ZMYM2: variants seen among roughly 807,000 people sequenced by gnomAD.
ZMYM2 encodes the protein zinc finger MYM-type containing 2.
Under a neutral mutation model 162.8 loss-of-function variants are expected in ZMYM2, and 56 were observed. The observed-to-expected ratio is 0.34, with a 90% CI of 0.28 to 0.43. ZMYM2 has a LOEUF of 0.43. ZMYM2 is among the 20% of genes least tolerant of loss of function. ZMYM2 has a pLI of 1.00. For synonymous variants in ZMYM2, 510 were observed against 541.6 expected (o/e 0.94, Z 0.81); for missense variants, 1,275 against 1,621.8 (o/e 0.79, Z 3.67).
At chr13:19,928,365 C>G in the ZMYM2 span, among the ~76,000 whole-genome samples, 1 of 152,022 alleles carries the variant, frequency 6.6e-6, no homozygotes, top group South Asian at 2.1e-4. Flanking sequence ...GTAAGTGTGT[C>G]AAAAATATCT....
At chr13:19,908,334 G>T in the ZMYM2 span, among the ~76,000 whole-genome samples, 7 of 152,014 alleles carry the variant, frequency 4.6e-5, no homozygotes, top group Non-Finnish European at 1.0e-4. Flanking sequence ...TTCACGGTGA[G>T]CCAGGTGCAG....
chr13:20,036,288 A>G lies in ZMYM2; in HGVS notation c.2120-449A>G, dbSNP rs374457723. Among the ~76,000 whole-genome samples, 173 of 151,922 alleles carry G rather than the reference A, an allele frequency of 1.1e-3. 1 individual carries two copies. The Middle Eastern group carries it at 0.017, about 15-fold the overall frequency. ...AATCTGTTTTTTTTTCTGAAGGTCC[A>G]TGTAAGAGAGGTAAGCTTGAAAAAT... On this transcript the variant is annotated intron_variant, in intron 11 of 24. Coordinates refer to ENST00000610343, the MANE Select transcript of ZMYM2 (RefSeq NM_197968.4).
intron 6 of ZMYM2, 99 bp from the exon 7 acceptor site, chr13:20,019,448 T>C (rs1302099560): frequency 1.9e-6 from 2 of 1,070,070 alleles, no homozygotes; most frequent in African/African-American, 3.2e-5. Context: ...AGTCACAAAA[T>C]ATAATTGAGA....
At chr13:19,891,874 T>C in the ZMYM2 span, among the ~76,000 whole-genome samples, 1 of 151,990 alleles carries the variant, frequency 6.6e-6, no homozygotes, top group Non-Finnish European at 1.5e-5. Context: ...GCAGGCTTAT[T>C]ACCATATTTA....
At chr13:19,868,348 G>A in the ZMYM2 span, among the ~76,000 whole-genome samples, 1,835 of 152,264 alleles carry the variant, frequency 0.012, 38 homozygotes, top group African/African-American at 0.04. Context: ...GATAGTCATA[G>A]TGTTTCAACT....
chr13:19,929,020 T>C, the ZMYM2 span, among the ~76,000 whole-genome samples: 5 of 152,178 alleles, frequency 3.3e-5, no homozygotes, highest in Non-Finnish European at 7.3e-5. Context: ...TATCCAACTA[T>C]TGCTAGTATA....
At chr13:19,964,498 C>G (rs1027994222) in intron 2 of ZMYM2, among the ~76,000 whole-genome samples, 3 of 152,236 alleles carry the variant, frequency 2.0e-5, no homozygotes, top group African/African-American at 4.8e-5. Flanking sequence ...CTGCTGGACT[C>G]AAGCGATCTT....
chr13:19,909,717 G>GCCA, the ZMYM2 span, among the ~76,000 whole-genome samples: 2 of 152,094 alleles, frequency 1.3e-5, no homozygotes, highest in African/African-American at 4.8e-5. Context: ...ACAGGCATGA[G>GCCA]CCACCGTGCT....
At chr13:19,912,043 G>T in the ZMYM2 span, among the ~76,000 whole-genome samples, 6 of 152,298 alleles carry the variant, frequency 3.9e-5, no homozygotes, top group East Asian at 3.9e-4. Context: ...GCTTAACCAG[G>T]TGATGACTCC....
chr13:19,959,195 G>A (rs1442878930), intron 1 of ZMYM2, among the ~76,000 whole-genome samples: 2 of 148,276 alleles, frequency 1.3e-5, no homozygotes, highest in Non-Finnish European at 3.0e-5. Context: ...ACGGCGGGAC[G>A]GCGGGGCGGG....
At chr13:20,043,235 A>G (rs1207836983) in intron 12 of ZMYM2, among the ~76,000 whole-genome samples, 6 of 152,026 alleles carry the variant, frequency 3.9e-5, no homozygotes, top group Admixed American at 3.9e-4. Flanking sequence ...TGCTGGGGAG[A>G]CTGACGTGTT....
intron 3 of ZMYM2, among the ~76,000 whole-genome samples, chr13:20,002,193 C>T (rs149043894): frequency 1.3e-3 from 196 of 152,294 alleles, no homozygotes; most frequent in Admixed American, 3.5e-3. Flanking sequence ...ACTTGCATTA[C>T]ATTTGTCAAA....
intron 5 of ZMYM2, among the ~76,000 whole-genome samples, chr13:20,006,082 CATT>C (rs1403959658): frequency 6.6e-6 from 1 of 151,914 alleles, no homozygotes; most frequent in Non-Finnish European, 1.5e-5. Context: ...AAAGAAAAAA[CATT>C]AGTTAGGCGT....
intron 16 of ZMYM2, 138 bp downstream of exon 16, chr13:20,059,700 A>G (rs1479430388): frequency 1.2e-5 from 8 of 643,204 alleles, no homozygotes; most frequent in South Asian, 3.4e-5. Context: ...TTTTTCCCCA[A>G]TAAATATGGG....
At chr13:19,895,034 G>A in the ZMYM2 span, among the ~76,000 whole-genome samples, 2 of 122,532 alleles carry the variant, frequency 1.6e-5, no homozygotes, top group African/African-American at 3.1e-5. Flanking sequence ...CCGAGATCTT[G>A]CCACTTCACT....
At position 20,027,298 on chromosome 13, in the gene ZMYM2, A is replaced by G; in HGVS notation, c.1831A>G (p.Ser611Gly). ...AAAACTGTACAACTTTTGCAATTCCAGTTGTGTGGCTAAATTTCAGGTTTG... is the reference window on the plus strand; with the variant it reads ...AAAACTGTACAACTTTTGCAATTCCGGTTGTGTGGCTAAATTTCAGGTTTG... Reference protein sequence around the residue: ...DGKLYNFCNSSCVAKFQALSM... With the variant: ...DGKLYNFCNSGCVAKFQALSM... The change falls in exon 9 of 25, where the codon AGT (serine) becomes GGT (glycine). Residue 611 changes from serine (S) to glycine (G), a missense_variant. Physicochemically the swap from Ser to Gly is moderately conservative, Grantham distance 56. Around this residue, in one of 10 missense-constraint regions of ZMYM2, gnomAD observed 276 missense variants for 311.8 expected, o/e 0.89. Coordinates refer to ENST00000610343, the MANE Select transcript of ZMYM2 (RefSeq NM_197968.4). 6.4e-7 allele frequency: 1 copy of G among 1,572,074 alleles called. No individual in the cohort carries two copies. Among genetic ancestry groups the G allele is most frequent in the Non-Finnish European group, 8.6e-7 (1 of 1,156,566 alleles).
intron 2 of ZMYM2, among the ~76,000 whole-genome samples, chr13:19,971,228 ATGTG>A (rs10629393): frequency 1.7e-5 from 1 of 58,922 alleles, no homozygotes; most frequent in African/African-American, 6.7e-5. Flanking sequence ...GTTTATATAT[ATGTG>A]TGTGTGTGTG....
intron 11 of ZMYM2, 77 bp downstream of exon 11, chr13:20,034,481 G>A (rs949793997): frequency 7.6e-7 from 1 of 1,308,634 alleles, no homozygotes; most frequent in Admixed American, 3.0e-5. Flanking sequence ...TATCCAGAGT[G>A]GCTGCACAAT....
At chr13:19,970,581 G>A (rs1956213239) in intron 2 of ZMYM2, among the ~76,000 whole-genome samples, 1 of 133,120 alleles carries the variant, frequency 7.5e-6, no homozygotes, top group Non-Finnish European at 1.6e-5. Flanking sequence ...GGTCAGGGAG[G>A]AGTGAAAAAA....
Sources: allele counts gnomAD v4.1 joint callset (sites outside exome capture counted in the v4.1 genomes callset), GRCh38; gene constraint gnomAD v4.1.1; regional missense constraint gnomAD v4.1.1; transcripts MANE v1.5; gene names NCBI Gene and HGNC (gene_info 2026-07-23, HGNC 2026-07-21).